The following ADGRB3 variants were observed in gnomAD, a reference collection of about 807,000 sequenced individuals.
ADGRB3 encodes the protein brain-specific angiogenesis inhibitor 3.
In ADGRB3, 37 loss-of-function variants were observed where a neutral mutation model predicts 193.4. The ratio of observed to expected loss-of-function variants is 0.19; its 90% confidence interval spans 0.15 to 0.25. ADGRB3 has a LOEUF of 0.25. ADGRB3 is among the 10% of genes least tolerant of loss of function. The pLI, the probability that ADGRB3 is intolerant of heterozygous loss-of-function variation, is 1.00. For synonymous variants in ADGRB3, 690 were observed against 644.2 expected (o/e 1.07, Z -1.08); for missense variants, 1,637 against 1,852.9 (o/e 0.88, Z 2.14).
intron 17 of ADGRB3, among the ~76,000 whole-genome samples, chr6:69,157,125 G>A (rs1416368186): frequency 6.6e-6 from 1 of 152,128 alleles, no homozygotes; most frequent in East Asian, 1.9e-4. Context: ...AACCTCAATG[G>A]CCCTCAGTTT....
intron 29 of ADGRB3, among the ~76,000 whole-genome samples, chr6:69,367,622 A>G (rs1428214908): frequency 1.3e-5 from 2 of 151,964 alleles, no homozygotes; most frequent in Non-Finnish European, 2.9e-5. Flanking sequence ...AGTGATGATG[A>G]GCATTTTTTC....
chr6:69,280,757 C>T (rs1413506012), intron 20 of ADGRB3, among the ~76,000 whole-genome samples: 1 of 152,050 alleles, frequency 6.6e-6, no homozygotes, highest in Non-Finnish European at 1.5e-5. Context: ...TAACCCAGTT[C>T]TCAAAGACAA....
chr6:69,080,193 C>T (rs1164381232), intron 17 of ADGRB3, among the ~76,000 whole-genome samples: 3 of 152,052 alleles, frequency 2.0e-5, no homozygotes, highest in African/African-American at 7.2e-5. Flanking sequence ...AACACTTCAA[C>T]CTCATCTTCT....
chr6:68,997,643 A>T (rs963254406), intron 11 of ADGRB3, among the ~76,000 whole-genome samples: 1 of 140,326 alleles, frequency 7.1e-6, no homozygotes, highest in African/African-American at 2.7e-5. Context: ...ACAGAGTGAC[A>T]CTCTGTCTTA....
chr6:69,065,935 CTATT>C (rs2150309151), intron 16 of ADGRB3, among the ~76,000 whole-genome samples: 1 of 151,706 alleles, frequency 6.6e-6, no homozygotes, highest in East Asian at 1.9e-4. Context: ...AGTATAAAAA[CTATT>C]TACATAGTAT....
At chr6:69,343,487 A>T (rs905376616) in intron 26 of ADGRB3, among the ~76,000 whole-genome samples, 38 of 151,878 alleles carry the variant, frequency 2.5e-4, no homozygotes, top group African/African-American at 8.4e-4. Flanking sequence ...CCAATTTTAC[A>T]CTCATTTCAA....
intron 3 of ADGRB3, among the ~76,000 whole-genome samples, chr6:68,772,660 A>G (rs1015279877): frequency 2.6e-5 from 4 of 151,784 alleles, no homozygotes; most frequent in African/African-American, 9.7e-5. Context: ...TATCATAAAC[A>G]TCTCGACACA....
At chr6:69,339,597 T>G (rs1768933017) in intron 26 of ADGRB3, 93 bp downstream of exon 26, 11 of 1,401,984 alleles carry the variant, frequency 7.8e-6, no homozygotes, top group Non-Finnish European at 9.8e-6. Context: ...ATGTTCAGAT[T>G]AAAGCTGGTC....
intron 17 of ADGRB3, among the ~76,000 whole-genome samples, chr6:69,127,575 A>G (rs1773885840): frequency 6.6e-6 from 1 of 152,216 alleles, no homozygotes; most frequent in Non-Finnish European, 1.5e-5. Context: ...TCTAAAAATG[A>G]GGATAAAATA....
chr6:68,783,286 C>A (rs1190958236), intron 3 of ADGRB3, among the ~76,000 whole-genome samples: 1 of 136,820 alleles, frequency 7.3e-6, no homozygotes, highest in Non-Finnish European at 1.6e-5. Context: ...TATATTGCCT[C>A]CCTAAATATA....
intron 25 of ADGRB3, 34 bp downstream of exon 25, chr6:69,339,048 A>C (rs1438108461): frequency 6.2e-6 from 10 of 1,605,548 alleles, no homozygotes; most frequent in African/African-American, 1.3e-5. Flanking sequence ...TCTTGTTACA[A>C]ATCTTTTACA....
chr6:69,363,376 T>C (rs1035127980), intron 29 of ADGRB3, among the ~76,000 whole-genome samples: 33 of 152,130 alleles, frequency 2.2e-4, no homozygotes, highest in African/African-American at 7.5e-4. Context: ...AGAAAGAGAA[T>C]ATATAGATGT....
At chr6:68,869,265 C>A (rs1765393641) in intron 3 of ADGRB3, among the ~76,000 whole-genome samples, 1 of 152,064 alleles carries the variant, frequency 6.6e-6, no homozygotes, top group African/African-American at 2.4e-5. Flanking sequence ...ATGTAAATAG[C>A]CTCTGGTTGA....
intron 11 of ADGRB3, 21 bp from the exon 12 acceptor site, chr6:69,014,017 T>G: frequency 4.1e-6 from 6 of 1,458,680 alleles, no homozygotes; most frequent in African/African-American, 1.4e-5. Context: ...TATTAAATCT[T>G]TTATCTAATT....
In ADGRB3 at chr6:68,671,128, A is replaced by G. The variant is rs76854228; in HGVS notation, c.757+31696A>G. ...GATGTTGTATCCTGCATCTTTACTG[A>G]ATTTTTATCAGTTCTAATTGTTTTC... On this transcript the variant is annotated intron_variant, in intron 3 of 31. Coordinates refer to ENST00000370598, the MANE Select transcript of ADGRB3 (RefSeq NM_001704.3). 9.9e-3 allele frequency among the ~76,000 whole-genome samples: 1,501 copies of G among 152,016 alleles called. 21 individuals carry two copies. The highest frequency in any genetic ancestry group is 0.034 in the African/African-American group (1,402 of 41,516).
At chr6:68,819,051 TG>T (rs1378448731) in intron 3 of ADGRB3, among the ~76,000 whole-genome samples, 3 of 152,112 alleles carry the variant, frequency 2.0e-5, no homozygotes, top group Admixed American at 2.0e-4. Context: ...AATGGAATAT[TG>T]TTTATTCCAC....
At chr6:69,258,961 G>T (rs1766842620) in intron 20 of ADGRB3, among the ~76,000 whole-genome samples, 1 of 152,152 alleles carries the variant, frequency 6.6e-6, no homozygotes, top group South Asian at 2.1e-4. Context: ...GAAGGCTGAA[G>T]TTCACCTGTC....
At chr6:69,331,022 A>T (rs1030592066) in intron 23 of ADGRB3, among the ~76,000 whole-genome samples, 1 of 152,026 alleles carries the variant, frequency 6.6e-6, no homozygotes, top group Non-Finnish European at 1.5e-5. Flanking sequence ...GATATTTTGG[A>T]TCATATGTTT....
chr6:69,334,739 A>G (rs1768809367), intron 24 of ADGRB3, among the ~76,000 whole-genome samples: 1 of 152,176 alleles, frequency 6.6e-6, no homozygotes, highest in Admixed American at 6.5e-5. Flanking sequence ...TGCTAGTAGT[A>G]TAAACTTACA....
Sources: gnomAD v4.1 joint callset for allele counts (sites outside exome capture counted in the v4.1 genomes callset) on GRCh38, gnomAD v4.1.1 for gene constraint, MANE v1.5 for transcripts, NCBI Gene and HGNC (gene_info 2026-07-23, HGNC 2026-07-21) for gene names.